Variants in ABCD2 observed in about 807,000 individuals in gnomAD.
ABCD2 encodes ATP binding cassette subfamily D member 2, also known as ATP-binding cassette sub-family D member 2.
ABCD2 carries 36 observed loss-of-function variants against 70.9 expected under a neutral mutation model. The observed-to-expected ratio is 0.51, with a 90% confidence interval of 0.39 to 0.67. ABCD2 has a LOEUF of 0.67. Among genes scored for constraint, ABCD2 ranks in the 30% least tolerant of loss-of-function variants. The pLI, the probability that ABCD2 is intolerant of heterozygous loss-of-function variation, is 0.00. For synonymous variants in ABCD2, 304 were observed against 306.9 expected (o/e 0.99, Z 0.10); for missense variants, 729 against 890.2 (o/e 0.82, Z 2.30).
At chr12:39,546,871 C>T (rs948495176), downstream of ABCD2, among the ~76,000 whole-genome samples, 7 of 151,778 alleles carry the variant, frequency 4.6e-5, no homozygotes, top group African/African-American at 1.7e-4. Context: ...AAAGGGAACA[C>T]CCACTGTGTC....
At chr12:39,532,093 A>G in the ABCD2 span, among the ~76,000 whole-genome samples, 5 of 152,246 alleles carry the variant, frequency 3.3e-5, no homozygotes, top group Admixed American at 3.3e-4. Flanking sequence ...GAAGGCATCA[A>G]AATGAGGTAT....
intron 2 of ABCD2, among the ~76,000 whole-genome samples, chr12:39,610,519 T>C (rs904391565): frequency 6.6e-6 from 1 of 152,198 alleles, no homozygotes; most frequent in Non-Finnish European, 1.5e-5. Flanking sequence ...AATTCTTATA[T>C]CAGTTAAAAT....
At chr12:39,589,850 T>TAAA (rs947093619) in intron 6 of ABCD2, among the ~76,000 whole-genome samples, 1 of 152,250 alleles carries the variant, frequency 6.6e-6, no homozygotes, top group Non-Finnish European at 1.5e-5. Context: ...TTCAATTTTT[T>TAAA]GTCAATTATT....
chr12:39,582,865 T>TC (rs1338726635), intron 7 of ABCD2, among the ~76,000 whole-genome samples: 1 of 152,010 alleles, frequency 6.6e-6, no homozygotes, highest in East Asian at 1.9e-4. Flanking sequence ...TACTAATTTT[T>TC]TTTTTTTTTT....
At chr12:39,548,415 C>T (rs889911069), downstream of ABCD2, among the ~76,000 whole-genome samples, 1 of 151,982 alleles carries the variant, frequency 6.6e-6, no homozygotes, top group Admixed American at 6.6e-5. Flanking sequence ...TTTATCTATA[C>T]CCTACCTATG....
At position 39,619,642 on chromosome 12, in the gene ABCD2, A is replaced by G; in HGVS notation, c.-27T>C. Reference sequence around the variant, plus strand: ...TTCCCAGTTACCCAAACCGGCTTCCAAAAGAATTCGTTTTAAAAGATCATG... The same window carrying G: ...TTCCCAGTTACCCAAACCGGCTTCCGAAAGAATTCGTTTTAAAAGATCATG... On this transcript the variant is annotated 5_prime_UTR_variant, in exon 1 of 10. Coordinates refer to ENST00000308666, the MANE Select transcript of ABCD2 (RefSeq NM_005164.4). 6.3e-7 allele frequency: 1 copy of G among 1,581,082 alleles called. No homozygotes were observed. The highest frequency in any genetic ancestry group is 1.8e-5 in the Admixed American group (1 of 56,400).
At chr12:39,592,506 T>C (rs1460623151) in intron 6 of ABCD2, among the ~76,000 whole-genome samples, 2 of 152,192 alleles carry the variant, frequency 1.3e-5, no homozygotes, top group East Asian at 3.8e-4. Flanking sequence ...TGTGGTTGCC[T>C]TTTCTAGCTT....
Position 39,569,246 on chromosome 12 carries a change from A to G in ABCD2, c.2003+4470T>C, listed in dbSNP as rs535538287. ...AGAGGTTGAGTCTACAGATCCAAGC[A>G]GGCCTCCTTGAGCTGTGGTGGGCTC... On this transcript the variant is annotated intron_variant, in intron 9 of 9. Transcript: ENST00000308666. 1.7e-4 allele frequency among the ~76,000 whole-genome samples: 26 copies of G among 152,352 alleles called. 1 individual carries two copies. The South Asian group carries it at 5.4e-3, about 32-fold the overall frequency.
chr12:39,565,499 A>C (rs1941331174), intron 9 of ABCD2, among the ~76,000 whole-genome samples: 1 of 152,184 alleles, frequency 6.6e-6, no homozygotes, highest in East Asian at 1.9e-4. Flanking sequence ...GACTTTGCTG[A>C]AGTTGCTTAT....
chr12:39,604,060 A>G (rs1941937565), intron 4 of ABCD2, 54 bp from the exon 5 acceptor site: 3 of 1,262,650 alleles, frequency 2.4e-6, no homozygotes, highest in Non-Finnish European at 3.5e-6. Context: ...TTCTGATTAA[A>G]TAACGTAAAT....
At chr12:39,592,867 G>A (rs1185192239) in intron 6 of ABCD2, among the ~76,000 whole-genome samples, 4 of 152,180 alleles carry the variant, frequency 2.6e-5, no homozygotes, top group African/African-American at 9.7e-5. Flanking sequence ...AGGTCCAAAA[G>A]CTAGAGACCT....
intron 6 of ABCD2, among the ~76,000 whole-genome samples, chr12:39,590,898 T>A (rs1403132380): frequency 2.6e-5 from 4 of 152,174 alleles, no homozygotes; most frequent in Admixed American, 2.0e-4. Context: ...GACACAAAAT[T>A]CTAAATATTT....
the ABCD2 span, among the ~76,000 whole-genome samples, chr12:39,532,663 C>CA: frequency 3.2e-4 from 48 of 152,026 alleles, no homozygotes; most frequent in East Asian, 1.9e-4. Context: ...AGCAGTATTA[C>CA]AAAAAAACTG....
In ABCD2 at chr12:39,619,475, A is replaced by T; in HGVS notation, c.141T>A (p.Ser47=). The change falls in exon 1 of 10, where the codon TCT becomes TCA. Residue 47 remains serine, a synonymous_variant. Coordinates refer to ENST00000308666, the MANE Select transcript of ABCD2 (RefSeq NM_005164.4). ...YPIIGKRLKQ[S]GHGKKKAAAY... is the part of the protein sequence containing the mutation. ...CTGCTGCTTTTTTCTTCCCGTGGCC[A>T]GATTGCTTTAAACGCTTGCCAATGA... The T allele has an allele frequency of 6.2e-7, 1 of 1,613,778 alleles. No homozygotes were observed. The highest frequency in any genetic ancestry group is 8.5e-7 in the Non-Finnish European group (1 of 1,180,012).
At chr12:39,617,906 A>T (rs926011026) in intron 1 of ABCD2, among the ~76,000 whole-genome samples, 1 of 152,144 alleles carries the variant, frequency 6.6e-6, no homozygotes, top group Non-Finnish European at 1.5e-5. Context: ...ACCTTCATGC[A>T]CTGTTAGTAT....
At chr12:39,554,625 T>A (rs1941134590) in intron 9 of ABCD2, among the ~76,000 whole-genome samples, 1 of 152,220 alleles carries the variant, frequency 6.6e-6, no homozygotes, top group Non-Finnish European at 1.5e-5. Context: ...AAAAACATTT[T>A]AAAAAACAAC....
chr12:39,538,091 A>C, the ABCD2 span, among the ~76,000 whole-genome samples: 1 of 152,070 alleles, frequency 6.6e-6, no homozygotes, highest in Admixed American at 6.5e-5. Context: ...TAAACCCCCC[A>C]AAATTCTGTA....
At chr12:39,546,958 T>G (rs2120489117), downstream of ABCD2, among the ~76,000 whole-genome samples, 1 of 152,174 alleles carries the variant, frequency 6.6e-6, no homozygotes, top group Non-Finnish European at 1.5e-5. Context: ...GAAAACAAAT[T>G]GAGGCCAGAT....
At chr12:39,571,616 C>T (rs928034389) in intron 9 of ABCD2, among the ~76,000 whole-genome samples, 7 of 152,080 alleles carry the variant, frequency 4.6e-5, no homozygotes, top group South Asian at 4.1e-4. Context: ...ACTGTGTAGG[C>T]GTTTCATACC....
Sources: gnomAD v4.1 joint callset for allele counts (sites outside exome capture counted in the v4.1 genomes callset) on GRCh38, gnomAD v4.1.1 for gene constraint, MANE v1.5 for transcripts, NCBI Gene and HGNC (gene_info 2026-07-23, HGNC 2026-07-21) for gene names.